The following GTF2E2 variants were observed in gnomAD, a reference collection of about 807,000 sequenced individuals.
The protein encoded by GTF2E2 is transcription initiation factor IIE subunit beta.
A neutral mutation model predicts 40.5 loss-of-function variants in GTF2E2; 21 were observed. The ratio of observed to expected loss-of-function variants is 0.52; its 90% CI spans 0.37 to 0.75. The LOEUF is 0.75. Among genes scored for constraint, GTF2E2 ranks in the 30% least tolerant of loss-of-function variants. The pLI, the probability that GTF2E2 is intolerant of heterozygous loss-of-function variation, is 0.00. For synonymous variants in GTF2E2, 117 were observed against 121.6 expected, an observed-to-expected ratio of 0.96 and a Z score of 0.25; for missense variants, 298 against 338.4, an observed-to-expected ratio of 0.88 and a Z score of 0.94.
chr8:30,652,548 T>TAA lies in GTF2E2; in HGVS notation c.166+883_166+884dup, dbSNP rs36075972. Among the ~76,000 whole-genome samples, 47 of 144,346 alleles carry TAA rather than the reference T, an allele frequency of 3.3e-4. 1 individual carries two copies. Among genetic ancestry groups the TAA allele is most frequent in the Admixed American group, 5.6e-4 (8 of 14,394 alleles). The allele number at this position is 144,346 out of a possible 152,430, so 94.7% of individuals were successfully genotyped here. On this transcript the variant is annotated intron_variant, in intron 2 of 7. Coordinates refer to ENST00000355904, the MANE Select transcript of GTF2E2 (RefSeq NM_002095.6). ...TCACAACTATAGAAATAGCTATGAT[T>TAA]AAAAAAAAAAAAACAGAATTTCAAG...
rs372978070 is a variant in GTF2E2, at chr8:30,656,376, G to C, written c.-5+1597C>G. 3.9e-5 allele frequency among the ~76,000 whole-genome samples: 6 copies of C among 152,210 alleles called. No individual in the cohort carries two copies. The East Asian group carries it at 1.2e-3, about 29-fold the overall frequency. ...ACAGCCTTGGGAGGAGGGAAAGCGT[G>C]GGGCCAAGAAGAAGAAAGGAGAATT... is the stretch of plus-strand genomic sequence containing the variant. On this transcript the variant is annotated intron_variant, in intron 1 of 7. Coordinates refer to ENST00000355904, the MANE Select transcript of GTF2E2 (RefSeq NM_002095.6).
At chr8:30,609,318 T>A (rs1214209771) in intron 5 of GTF2E2, among the ~76,000 whole-genome samples, 1 of 140,758 alleles carries the variant, frequency 7.1e-6, no homozygotes, top group Admixed American at 7.1e-5. Context: ...ACTGGAGCAT[T>A]TTGGATTTCA....
intron 2 of GTF2E2, among the ~76,000 whole-genome samples, chr8:30,648,109 A>G (rs1214617585): frequency 6.6e-6 from 1 of 152,234 alleles, no homozygotes; most frequent in Non-Finnish European, 1.5e-5. Context: ...CAGAACCAAA[A>G]GAGGGTAGGA....
chr8:30,607,015 G>A, intron 6 of GTF2E2, 42 bp downstream of exon 6: 1 of 720,366 alleles, frequency 1.4e-6, no homozygotes, highest in Non-Finnish European at 2.4e-6. Flanking sequence ...CCCTAAAATT[G>A]TAATATACTT....
rs1296432465 is a variant in GTF2E2, at chr8:30,645,349, T to C, written c.166+8084A>G. ...CTGGAATGAAACCACTACCTCTGTT[T>C]ATCAGTACCTTGGTTTTCAAGTTCA... On this transcript the variant is annotated intron_variant, in intron 2 of 7. Transcript: ENST00000355904. 4 of 1,535,580 alleles carry C rather than the reference T, an allele frequency of 2.6e-6. No individual in the cohort carries two copies. In the East Asian group the frequency reaches 9.8e-5, roughly 38 times the overall value.
At chr8:30,607,215 AAT>A in intron 5 of GTF2E2, 65 bp from the exon 6 acceptor site, 5 of 629,542 alleles carry the variant, frequency 7.9e-6, no homozygotes, top group East Asian at 2.8e-5. Context: ...AAAAAAAAAA[AAT>A]TTAAACAATA....
At chr8:30,613,597 C>T (rs1432212289) in intron 4 of GTF2E2, among the ~76,000 whole-genome samples, 1 of 152,152 alleles carries the variant, frequency 6.6e-6, no homozygotes, top group Non-Finnish European at 1.5e-5. Flanking sequence ...TCAAGGTTAG[C>T]TAAACCAGCA....
rs966306118 is a variant in GTF2E2 at position 30,635,076 on chromosome 8, C to T, written c.214G>A (p.Gly72Arg). ...TTAGCAAGAACACCAAACTTATATC[C>T]AGAGCTTCCTGACAAAGCTTTCAAG... ...FNLKALSGSS[G>R]YKFGVLAKIV... The change falls in exon 3 of 8, where the codon GGA (glycine) becomes AGA (arginine). Residue 72 changes from glycine (G) to arginine (R), a missense_variant. By Grantham distance (125) the Gly-to-Arg change is moderately radical. Transcript: ENST00000355904. 1 of 1,609,300 alleles carries T rather than the reference C, an allele frequency of 6.2e-7. No individual in the cohort carries two copies. Among genetic ancestry groups the T allele is most frequent in the African/African-American group, 1.3e-5 (1 of 74,802 alleles).
intron 2 of GTF2E2, among the ~76,000 whole-genome samples, chr8:30,638,124 CA>C (rs1801674068): frequency 6.6e-6 from 1 of 152,116 alleles, no homozygotes; most frequent in Admixed American, 6.6e-5. Context: ...CAAACCACCA[CA>C]TGGAAATAAT....
intron 6 of GTF2E2, among the ~76,000 whole-genome samples, chr8:30,604,242 T>TA (rs1829260467): frequency 6.6e-6 from 1 of 152,082 alleles, no homozygotes; most frequent in Non-Finnish European, 1.5e-5. Context: ...ACATTAATAT[T>TA]AAAAATTTAG....
chr8:30,603,241 G>T (rs1311963729), intron 6 of GTF2E2, among the ~76,000 whole-genome samples: 2 of 151,998 alleles, frequency 1.3e-5, no homozygotes, highest in African/African-American at 4.8e-5. Flanking sequence ...GTCAACAAGG[G>T]AATAAAAAGA....
chr8:30,612,612 C>T (rs544091197), intron 4 of GTF2E2, 131 bp from the exon 5 acceptor site: 403 of 444,892 alleles, frequency 9.1e-4, no homozygotes, highest in African/African-American at 7.1e-3. Flanking sequence ...CTGCAACCTC[C>T]GCCTCCTGGG....
At chr8:30,610,789 A>C (rs1315919641) in intron 5 of GTF2E2, among the ~76,000 whole-genome samples, 1 of 152,218 alleles carries the variant, frequency 6.6e-6, no homozygotes, top group Admixed American at 6.5e-5. Context: ...TAAACATGAT[A>C]CTAAAGGCAC....
At position 30,589,818 on chromosome 8, in the gene GTF2E2, T is replaced by G. The variant is rs28687572; in HGVS notation, c.644-9422A>C. On this transcript the variant is annotated intron_variant, in intron 6 of 7. Transcript: ENST00000355904. ...TGAAATCTACACTGAGCAATTGCAC[T>G]TTTTACTCGGGATAAACACCAGACA... Among the ~76,000 whole-genome samples the G allele has an allele frequency of 8.5e-3, 1,301 of 152,276 alleles. 19 individuals carry two copies. Among genetic ancestry groups the G allele is most frequent in the African/African-American group, 0.03 (1,253 of 41,554 alleles).
intron 6 of GTF2E2, among the ~76,000 whole-genome samples, chr8:30,591,345 G>A (rs567392229): frequency 7.2e-4 from 110 of 152,074 alleles, no homozygotes; most frequent in African/African-American, 2.6e-3. Context: ...TATTACCCAG[G>A]TACCGTGGCA....
chr8:30,622,613 T>C (rs1411828929), intron 3 of GTF2E2, among the ~76,000 whole-genome samples: 2 of 151,988 alleles, frequency 1.3e-5, no homozygotes, highest in African/African-American at 2.4e-5. Flanking sequence ...AATTTCCTCG[T>C]CCTAATAAGC....
chr8:30,622,716 C>A (rs989247928), intron 3 of GTF2E2, among the ~76,000 whole-genome samples: 1 of 152,002 alleles, frequency 6.6e-6, no homozygotes, highest in African/African-American at 2.4e-5. Flanking sequence ...ACAGACCTAC[C>A]CCCAGGCACG....
chr8:30,605,867 C>T (rs1389056392), intron 6 of GTF2E2, among the ~76,000 whole-genome samples: 1 of 152,002 alleles, frequency 6.6e-6, no homozygotes, highest in Non-Finnish European at 1.5e-5. Context: ...CACTTTTTTG[C>T]CCAGGCTGGT....
At chr8:30,637,019 G>A (rs1489635916) in intron 2 of GTF2E2, 6 of 411,404 alleles carry the variant, frequency 1.5e-5, no homozygotes, top group East Asian at 7.0e-5. Context: ...ATATTCATAC[G>A]TAATCCCTCC....
Sources: allele counts gnomAD v4.1 joint callset (sites outside exome capture counted in the v4.1 genomes callset), GRCh38; gene constraint gnomAD v4.1.1; transcripts MANE v1.5; gene names NCBI Gene and HGNC (gene_info 2026-07-23, HGNC 2026-07-21).